The following COL6A3 variants were observed in gnomAD, a reference collection of about 807,000 sequenced individuals.
COL6A3 encodes collagen type VI alpha 3 chain, also known as collagen alpha-3(VI) chain.
A neutral mutation model predicts 274.1 loss-of-function variants in COL6A3; 137 were observed. That is an observed-to-expected ratio of 0.50 (90% CI 0.44 to 0.58). COL6A3 has a LOEUF of 0.58. COL6A3 is among the 20% of genes least tolerant of loss of function. The pLI is 0.00. For missense variants in COL6A3, 3,950 were observed against 4,124.9 expected, an observed-to-expected ratio of 0.96 and a Z score of 1.16; for synonymous variants, 1,650 against 1,650.6, an observed-to-expected ratio of 1.00 and a Z score of 0.01.
rs2077288981 is a variant in COL6A3, at chr2:237,355,027, G to A, written c.6592-93C>T. 2.5e-6 allele frequency: 3 copies of A among 1,206,340 alleles called. No individual in the cohort carries two copies. In the East Asian group the frequency reaches 7.5e-5, roughly 30 times the overall value. The allele number at this position is 1,206,340 out of a possible 1,614,324, so 74.7% of individuals were successfully genotyped here. On this transcript the variant is annotated intron_variant, in intron 23 of 43. Coordinates refer to ENST00000295550, the MANE Select transcript of COL6A3 (RefSeq NM_004369.4). ...CTTTCAGACTTCACCCTCTTATTCT[G>A]CGGTTACTCAGGGGAATCTTCCCAA...
intron 14 of COL6A3, among the ~76,000 whole-genome samples, chr2:237,362,954 C>T (rs1293808817): frequency 6.6e-6 from 1 of 152,332 alleles, no homozygotes; most frequent in East Asian, 1.9e-4. Flanking sequence ...TGCATCCCTG[C>T]AATGGTGTTA....
intron 16 of COL6A3, 73 bp from the exon 17 acceptor site, chr2:237,360,232 C>T (rs577525022): frequency 2.7e-5 from 38 of 1,422,844 alleles, no homozygotes; most frequent in African/African-American, 1.5e-4. Context: ...CTTGCAGCAG[C>T]GTAAAGGGTA....
chr2:237,360,523 C>T (rs1411623981), intron 16 of COL6A3, among the ~76,000 whole-genome samples: 2 of 152,162 alleles, frequency 1.3e-5, no homozygotes, highest in African/African-American at 2.4e-5. Flanking sequence ...GTTCTCTAGC[C>T]GAGCCCTGCC....
At position 237,407,200 on chromosome 2, in the gene COL6A3, C is replaced by G. The variant is rs551880948; in HGVS notation, c.-31+6753G>C. Reference sequence around the variant, plus strand: ...GTGCTGGGATTATAGGCATGAGCCACTACACCTGGCCTTTGAATTTCTATT... The same window carrying G: ...GTGCTGGGATTATAGGCATGAGCCAGTACACCTGGCCTTTGAATTTCTATT... On this transcript the variant is annotated intron_variant, in intron 1 of 43. Transcript: ENST00000295550. This position sits in a 1 kb window ranked among gnomAD's most constrained non-coding sequence, Gnocchi z 4.3. Among the ~76,000 whole-genome samples the G allele has an allele frequency of 4.0e-4, 61 of 152,316 alleles. No individual in the cohort carries two copies. The highest frequency in any genetic ancestry group is 1.4e-3 in the African/African-American group (60 of 41,554).
At chr2:237,382,230 A>G (rs1481799906) in intron 4 of COL6A3, among the ~76,000 whole-genome samples, 1 of 152,058 alleles carries the variant, frequency 6.6e-6, no homozygotes, top group African/African-American at 2.4e-5. Flanking sequence ...TAAAAATACA[A>G]AAATTAGCCG....
At chr2:237,359,618 G>A (rs768922108) in intron 17 of COL6A3, among the ~76,000 whole-genome samples, 5 of 152,216 alleles carry the variant, frequency 3.3e-5, no homozygotes, top group Admixed American at 1.3e-4. Flanking sequence ...CTGGGCCGGC[G>A]GGGGTGGACC....
rs751371104 is a variant in COL6A3 at position 237,381,381 on chromosome 2, G to A, written c.1431C>T (p.Ile477=). The A allele has an allele frequency of 7.4e-6, 12 of 1,614,044 alleles. No individual in the cohort carries two copies. The highest frequency in any genetic ancestry group is 1.6e-4 in the Middle Eastern group (1 of 6,084). The part of the protein sequence containing the change: ...FIAKVIQRLE[I]GQDLIQVAVA... ...CTGCCACCTGGATAAGATCCTGTCC[G>A]ATTTCCAGCCTCTGGATGACTTTAG... is the stretch of plus-strand genomic sequence containing the variant. Residue 477 remains isoleucine, a synonymous_variant, in exon 5 of 44, where the codon ATC becomes ATT. Coordinates refer to ENST00000295550, the MANE Select transcript of COL6A3 (RefSeq NM_004369.4).
Position 237,360,183 on chromosome 2 carries a change from T to C in COL6A3, c.6211-24A>G, listed in dbSNP as rs756083825. 3 of 1,613,268 alleles carry C rather than the reference T, an allele frequency of 1.9e-6. No homozygotes were observed. The African/African-American group carries it at 4.0e-5, about 22-fold the overall frequency. ...CCCTGTTGTGAGAGACAAAGGCATT[T>C]TGCAAGCTGGAGCCCTTCATCACCC... On this transcript the variant is annotated intron_variant, in intron 16 of 43. Transcript: ENST00000295550.
chr2:237,349,906 C>G (rs1329336353), intron 28 of COL6A3, among the ~76,000 whole-genome samples: 2 of 152,154 alleles, frequency 1.3e-5, no homozygotes, highest in African/African-American at 4.8e-5. Context: ...TCTCTTGTAT[C>G]AGGAAAAACA....
intron 22 of COL6A3, 140 bp from the exon 23 acceptor site, chr2:237,357,531 G>C: frequency 1.1e-6 from 1 of 871,576 alleles, no homozygotes; most frequent in Non-Finnish European, 2.0e-6. Flanking sequence ...ACACTTTGCA[G>C]GATGCACCGG....
chr2:237,354,676 G>C (rs902738082), intron 24 of COL6A3, among the ~76,000 whole-genome samples: 2 of 152,144 alleles, frequency 1.3e-5, no homozygotes, highest in Non-Finnish European at 2.9e-5. Context: ...CCTAAAATGT[G>C]TAAAACCAAG....
chr2:237,338,139 C>G (rs1700644654), intron 39 of COL6A3, among the ~76,000 whole-genome samples: 1 of 152,176 alleles, frequency 6.6e-6, no homozygotes, highest in East Asian at 1.9e-4. Flanking sequence ...ATTCTTAAAT[C>G]TAGGTTAGCC....
rs200722316 is a variant in COL6A3, at chr2:237,372,126, G to A, written c.3891C>T (p.Asn1297=). 5.9e-5 allele frequency: 96 copies of A among 1,614,074 alleles called. No homozygotes were observed. Among genetic ancestry groups the A allele is most frequent in the Middle Eastern group, 1.6e-4 (1 of 6,062 alleles). ...NAHSSKDEVQ[N]AVQRLRPKGG... The stretch of plus-strand genomic sequence containing the variant: ...CCTTGGGCCTCAGCCGCTGCACCGC[G>A]TTCTGCACTTCATCCTTGCTGGAAT... The change falls in exon 9 of 44, where the codon AAC becomes AAT. Residue 1297 remains asparagine (N), a synonymous_variant. Transcript: ENST00000295550.
Position 237,344,773 on chromosome 2 carries a change from T to C in COL6A3, c.7245A>G (p.Gln2415=). The change falls in exon 36 of 44, where the codon CAA becomes CAG. Residue 2415 remains glutamine (Q), a synonymous_variant. Transcript: ENST00000295550. The surrounding 1 kb of genome is among the most constrained non-coding windows in gnomAD (Gnocchi z 4.8). ...FALDTSEGVN[Q]DTFGRMRDVV... Reference sequence around the variant, plus strand: ...CATCTCGCATCCGGCCGAAAGTGTCTTGGTTGACTCCCTCAGAGGTGTCTA... The same window carrying C: ...CATCTCGCATCCGGCCGAAAGTGTCCTGGTTGACTCCCTCAGAGGTGTCTA... The C allele has an allele frequency of 6.2e-7, 1 of 1,604,172 alleles. No individual in the cohort carries two copies. The highest frequency in any genetic ancestry group is 2.2e-5 in the East Asian group (1 of 44,756).
intron 40 of COL6A3, among the ~76,000 whole-genome samples, chr2:237,335,481 T>C (rs970417029): frequency 2.0e-5 from 3 of 152,238 alleles, no homozygotes; most frequent in Non-Finnish European, 4.4e-5. Flanking sequence ...GCAGAGTCAT[T>C]GTGGTTTTTG....
At chr2:237,403,631 C>G (rs2645780) in intron 1 of COL6A3, among the ~76,000 whole-genome samples, 149,748 of 152,176 alleles carry the variant, frequency 0.98, 73,702 homozygotes, top group Middle Eastern at 1. Flanking sequence ...GATTTTTTTT[C>G]CCTTGCAATG....
Position 237,334,849 on chromosome 2 carries a change from C to A in COL6A3, c.9006G>T (p.Glu3002Asp), listed in dbSNP as rs1219659965. 1 of 1,614,176 alleles carries A rather than the reference C, an allele frequency of 6.2e-7. No homozygotes were observed. Among genetic ancestry groups the A allele is most frequent in the South Asian group, 1.1e-5 (1 of 91,074 alleles). The change falls in exon 41 of 44, where the codon GAG becomes GAT. Residue 3002 changes from glutamate (E) to aspartate (D), a missense_variant. Glu to Asp is a conservative substitution (Grantham distance 45, BLOSUM62 2). Around this residue, in one of 5 missense-constraint regions of COL6A3, gnomAD observed 1,284 missense variants for 1,349.7 expected, o/e 0.95. Coordinates refer to ENST00000295550, the MANE Select transcript of COL6A3 (RefSeq NM_004369.4). Reference sequence around the variant, plus strand: ...TCTCCCAGTGGAGTTTGGCGCTGTTCTCTGTTATCTCAAACACCTGGACTT... The same window carrying A: ...TCTCCCAGTGGAGTTTGGCGCTGTTATCTGTTATCTCAAACACCTGGACTT... The part of the protein sequence containing the change: ...SREVQVFEIT[E>D]NSAKLHWERA...
intron 29 of COL6A3, 114 bp from the exon 30 acceptor site, chr2:237,348,498 C>A: frequency 7.3e-7 from 1 of 1,362,260 alleles, no homozygotes; most frequent in Non-Finnish European, 1.0e-6. Context: ...AACACTCACT[C>A]AAATACAAAG....
In COL6A3 at chr2:237,339,016, C is replaced by T. The variant is rs1169100731; in HGVS notation, c.8566G>A (p.Val2856Ile). ...AAGACAATAATTATAATCACTTACA[C>T]TTGTTTGTGACCAAACTTCACAAGG... ...KNLVKFGHKQVNVPNNVTSSP... is the reference protein window; with the variant it reads ...KNLVKFGHKQINVPNNVTSSP... The change falls in exon 39 of 44, where the codon GTA (valine) becomes ATA (isoleucine). Residue 2856 changes from valine to isoleucine, a missense_variant and splice_region_variant. This residue lies in a region of COL6A3 where 1,284 missense variants were observed against 1,349.7 expected (regional missense o/e 0.95). Coordinates refer to ENST00000295550, the MANE Select transcript of COL6A3 (RefSeq NM_004369.4). 36 of 1,612,714 alleles carry T rather than the reference C, an allele frequency of 2.2e-5. No homozygotes were observed. Among genetic ancestry groups the T allele is most frequent in the Non-Finnish European group, 3.0e-5 (35 of 1,178,834 alleles).
Sources: gnomAD v4.1 joint callset for allele counts (sites outside exome capture counted in the v4.1 genomes callset) on GRCh38, gnomAD v4.1.1 for gene constraint, gnomAD v4.1.1 regional missense constraint, Gnocchi (gnomAD v3.1) non-coding constraint, MANE v1.5 for transcripts, NCBI Gene and HGNC (gene_info 2026-07-23, HGNC 2026-07-21) for gene names.